The following IQCJ variants were observed in gnomAD, a reference collection of about 807,000 sequenced individuals.
IQCJ encodes the protein IQ motif containing J.
Under a neutral mutation model 11.0 loss-of-function variants are expected in IQCJ, and 9 were observed. The observed-to-expected ratio is 0.82, with a 90% confidence interval of 0.49 to 1.43. The LOEUF (loss-of-function observed/expected upper bound fraction) is 1.43, where lower values mean the gene tolerates loss of function less well. IQCJ is among the 40% of genes most tolerant of loss of function. The pLI is 0.00. For synonymous variants in IQCJ, 55 were observed against 51.3 expected (o/e 1.07, Z -0.31); for missense variants, 146 against 133.2 (o/e 1.10, Z -0.47).
Position 159,085,600 on chromosome 3 carries a change from G to A in IQCJ, c.9+16159G>A, listed in dbSNP as rs556342646. On this transcript the variant is annotated intron_variant, in intron 1 of 3. Coordinates refer to ENST00000397832, the MANE Select transcript of IQCJ (RefSeq NM_001042706.3). ...ACCTGTTGTTTCCTGACTTTTTAAT[G>A]ATTGCCATTCTAACTGGTGTGAGAT... is the stretch of plus-strand genomic sequence containing the variant. Among the ~76,000 whole-genome samples the A allele has an allele frequency of 5.9e-3, 861 of 146,488 alleles. 22 individuals carry two copies. Among genetic ancestry groups the A allele is most frequent in the Admixed American group, 0.054 (792 of 14,702 alleles).
At chr3:159,128,062 C>A (rs1719778174) in intron 1 of IQCJ, among the ~76,000 whole-genome samples, 1 of 152,176 alleles carries the variant, frequency 6.6e-6, no homozygotes, top group Admixed American at 6.5e-5. Flanking sequence ...TCTGAAATCA[C>A]CACTTCCTAG....
At chr3:159,151,855 C>T (rs1721246905) in intron 1 of IQCJ, among the ~76,000 whole-genome samples, 1 of 152,150 alleles carries the variant, frequency 6.6e-6, no homozygotes, top group African/African-American at 2.4e-5. Flanking sequence ...CAGATGGTCT[C>T]AATCTCCCAA....
intron 1 of IQCJ, among the ~76,000 whole-genome samples, chr3:159,116,201 T>G (rs1718987022): frequency 6.6e-6 from 1 of 151,648 alleles, no homozygotes; most frequent in African/African-American, 2.4e-5. Flanking sequence ...GCCACTGCAC[T>G]CCAGCCTGGA....
At chr3:159,261,750 AG>A (rs747003602) in intron 3 of IQCJ, among the ~76,000 whole-genome samples, 11 of 152,234 alleles carry the variant, frequency 7.2e-5, no homozygotes, top group Non-Finnish European at 1.6e-4. Flanking sequence ...TATTAAGAAG[AG>A]GTTTCCGTTA....
At chr3:159,232,487 C>T (rs1259737820) in intron 1 of IQCJ, among the ~76,000 whole-genome samples, 2 of 133,882 alleles carry the variant, frequency 1.5e-5, no homozygotes, top group African/African-American at 5.8e-5. Flanking sequence ...GATGGAGTCT[C>T]CCTGTGTCAC....
At chr3:159,179,205 A>G (rs1456793947) in intron 1 of IQCJ, among the ~76,000 whole-genome samples, 4 of 152,170 alleles carry the variant, frequency 2.6e-5, no homozygotes, top group East Asian at 1.9e-4. Flanking sequence ...GATGCTAGAC[A>G]TGGAACCAGG....
At chr3:159,124,603 C>T (rs1014186300) in intron 1 of IQCJ, among the ~76,000 whole-genome samples, 8 of 152,180 alleles carry the variant, frequency 5.3e-5, no homozygotes, top group Non-Finnish European at 5.9e-5. Flanking sequence ...TACTGCACTC[C>T]TCACTGTTTG....
At chr3:159,083,662 G>A (rs1716489979) in intron 1 of IQCJ, among the ~76,000 whole-genome samples, 1 of 152,098 alleles carries the variant, frequency 6.6e-6, no homozygotes, top group Non-Finnish European at 1.5e-5. Context: ...GTACACAAAT[G>A]TACATAGCAG....
intron 1 of IQCJ, among the ~76,000 whole-genome samples, chr3:159,224,438 T>C (rs1008050986): frequency 6.6e-6 from 1 of 152,168 alleles, no homozygotes; most frequent in African/African-American, 2.4e-5. Context: ...GATTTGTCCT[T>C]CTTCTGTGTG....
chr3:159,226,446 C>T (rs1247740773), intron 1 of IQCJ, among the ~76,000 whole-genome samples: 1 of 152,196 alleles, frequency 6.6e-6, no homozygotes, highest in African/African-American at 2.4e-5. Flanking sequence ...TCACCCCTAT[C>T]ACTCAGGAAA....
At chr3:159,077,340 A>G (rs74654081) in intron 1 of IQCJ, among the ~76,000 whole-genome samples, 4,788 of 152,194 alleles carry the variant, frequency 0.031, 257 homozygotes, top group African/African-American at 0.11. Flanking sequence ...TGACCTATCA[A>G]TTTTACTTAT....
intron 1 of IQCJ, among the ~76,000 whole-genome samples, chr3:159,205,740 G>C (rs1724620840): frequency 6.6e-6 from 1 of 152,200 alleles, no homozygotes; most frequent in South Asian, 2.1e-4. Context: ...GGAGGGGTTT[G>C]CTTCATGTGA....
At chr3:159,260,618 C>T (rs138310771) in intron 3 of IQCJ, among the ~76,000 whole-genome samples, 61 of 152,208 alleles carry the variant, frequency 4.0e-4, no homozygotes, top group African/African-American at 1.4e-3. Flanking sequence ...GCAAGAAGAC[C>T]ACCAAACTCA....
At chr3:159,154,725 C>T (rs927954045) in intron 1 of IQCJ, among the ~76,000 whole-genome samples, 1 of 152,168 alleles carries the variant, frequency 6.6e-6, no homozygotes, top group African/African-American at 2.4e-5. Flanking sequence ...TGGTTGGAAT[C>T]TCTCTGAGGT....
chr3:159,083,902 GGAAAA>G (rs1298443278), intron 1 of IQCJ, among the ~76,000 whole-genome samples: 6 of 152,050 alleles, frequency 3.9e-5, no homozygotes, highest in Admixed American at 6.6e-5. Context: ...CCACAAGTTG[GGAAAA>G]GAAGAGGGAA....
intron 1 of IQCJ, among the ~76,000 whole-genome samples, chr3:159,084,142 A>C (rs1336566050): frequency 1.8e-4 from 28 of 152,132 alleles, no homozygotes; most frequent in African/African-American, 6.5e-4. Flanking sequence ...TACTATATTT[A>C]TGTAAGATGT....
intron 1 of IQCJ, among the ~76,000 whole-genome samples, chr3:159,129,568 A>G (rs1179883232): frequency 6.6e-6 from 1 of 152,156 alleles, no homozygotes; most frequent in Non-Finnish European, 1.5e-5. Context: ...ATAGAGGGGA[A>G]AGAGTTGTAA....
At chr3:159,108,464 C>G (rs1239016733) in intron 1 of IQCJ, among the ~76,000 whole-genome samples, 1 of 152,022 alleles carries the variant, frequency 6.6e-6, no homozygotes, top group Non-Finnish European at 1.5e-5. Context: ...TTTCTTGGAT[C>G]AAAGGGGAGT....
chr3:159,209,695 C>T (rs911319769), intron 1 of IQCJ, among the ~76,000 whole-genome samples: 3 of 152,154 alleles, frequency 2.0e-5, no homozygotes, highest in African/African-American at 7.2e-5. Context: ...AGCTCCTGCA[C>T]CCACTCACCT....
Sources: allele counts gnomAD v4.1 joint callset (sites outside exome capture counted in the v4.1 genomes callset), GRCh38; gene constraint gnomAD v4.1.1; transcripts MANE v1.5; gene names NCBI Gene and HGNC (gene_info 2026-07-23, HGNC 2026-07-21).